OPCML: variants seen among roughly 807,000 people sequenced by gnomAD.
OPCML encodes opioid binding protein/cell adhesion molecule like.
A neutral mutation model predicts 37.8 loss-of-function variants in OPCML; 13 were observed. That is an observed-to-expected ratio of 0.34 (90% CI 0.22 to 0.55). The LOEUF (loss-of-function observed/expected upper bound fraction) is 0.55, where lower values mean the gene tolerates loss of function less well. OPCML is among the 20% of genes least tolerant of loss of function. The pLI is 0.91. For synonymous variants in OPCML, 176 were observed against 168.8 expected (o/e 1.04, Z -0.33); for missense variants, 341 against 435.6 (o/e 0.78, Z 1.93).
chr11:133,367,689 C>T (rs780247427), intron 1 of OPCML, among the ~76,000 whole-genome samples: 4 of 152,220 alleles, frequency 2.6e-5, no homozygotes, highest in African/African-American at 4.8e-5. Context: ...CCATCTGTTT[C>T]TACTTGAGGA....
At chr11:133,389,055 C>T (rs1013446381) in intron 1 of OPCML, among the ~76,000 whole-genome samples, 1 of 152,180 alleles carries the variant, frequency 6.6e-6, no homozygotes, top group South Asian at 2.1e-4. Flanking sequence ...AAGCTCTAAC[C>T]TCAGTACTTG....
rs1446709974 is a variant in OPCML at position 132,417,674 on chromosome 11, A to G, written c.*2519T>C. Reference sequence around the variant, plus strand: ...TTCTCCAAGACTGTCCACTCTTCACAGCCTTCACATTTATTCAACTCCAAA... The same window carrying G: ...TTCTCCAAGACTGTCCACTCTTCACGGCCTTCACATTTATTCAACTCCAAA... On this transcript the variant is annotated 3_prime_UTR_variant, in exon 8 of 8. Transcript: ENST00000524381. 6.6e-6 allele frequency: 1 copy of G among 152,246 alleles called. No homozygotes were observed. Among genetic ancestry groups the G allele is most frequent in the Non-Finnish European group, 1.5e-5 (1 of 68,064 alleles). 9.4% of individuals were successfully genotyped at this position (152,246 alleles called of 1,614,324 possible).
At chr11:132,506,998 A>C (rs1179547302) in intron 4 of OPCML, among the ~76,000 whole-genome samples, 1 of 152,056 alleles carries the variant, frequency 6.6e-6, no homozygotes, top group African/African-American at 2.4e-5. Flanking sequence ...GACTAATACA[A>C]ATCTTTTTTA....
At chr11:132,599,573 C>G (rs980209359) in intron 3 of OPCML, among the ~76,000 whole-genome samples, 3 of 152,126 alleles carry the variant, frequency 2.0e-5, no homozygotes, top group African/African-American at 4.8e-5. Context: ...TCTCACATTT[C>G]TCATTTTCTG....
intron 1 of OPCML, among the ~76,000 whole-genome samples, chr11:133,320,615 A>G (rs535607369): frequency 4.5e-4 from 68 of 152,344 alleles, no homozygotes; most frequent in Middle Eastern, 6.8e-3. Flanking sequence ...AATTTTTGCC[A>G]ATCCTGGAAA....
intron 2 of OPCML, among the ~76,000 whole-genome samples, chr11:132,884,050 G>T (rs543459438): frequency 1.3e-5 from 2 of 152,274 alleles, no homozygotes; most frequent in Admixed American, 6.5e-5. Flanking sequence ...GAGCTGGAAG[G>T]CATCTTAAAA....
At chr11:132,445,715 CA>C (rs1275556695) in intron 4 of OPCML, among the ~76,000 whole-genome samples, 1 of 152,174 alleles carries the variant, frequency 6.6e-6, no homozygotes, top group African/African-American at 2.4e-5. Context: ...AATGTACAGT[CA>C]GGGGTGAGAA....
chr11:133,376,833 T>C (rs1944814188), intron 1 of OPCML, among the ~76,000 whole-genome samples: 1 of 152,200 alleles, frequency 6.6e-6, no homozygotes, highest in South Asian at 2.1e-4. Flanking sequence ...TCTGTTCATA[T>C]TGAAAACTTT....
intron 1 of OPCML, among the ~76,000 whole-genome samples, chr11:133,229,575 C>T (rs1034198394): frequency 1.7e-4 from 26 of 151,976 alleles, no homozygotes; most frequent in Middle Eastern, 6.8e-3. Flanking sequence ...TTTCCCTCAC[C>T]GTTCTCAAAT....
chr11:132,832,448 C>A (rs562642893), intron 2 of OPCML, among the ~76,000 whole-genome samples: 2 of 152,232 alleles, frequency 1.3e-5, no homozygotes, highest in Admixed American at 6.5e-5. Context: ...CATTTACGGA[C>A]AATTATTCTG....
intron 1 of OPCML, among the ~76,000 whole-genome samples, chr11:133,155,588 G>A (rs1950048434): frequency 6.6e-6 from 1 of 151,924 alleles, no homozygotes; most frequent in South Asian, 2.1e-4. Flanking sequence ...CGCATACCCA[G>A]CCCACACCCT....
At chr11:133,140,924 ACG>A (rs1159879889) in intron 1 of OPCML, among the ~76,000 whole-genome samples, 465 of 16,026 alleles carry the variant, frequency 0.029, 135 homozygotes, top group East Asian at 0.2. Context: ...GAAGAAGACG[ACG>A]ACGACGAAGA....
chr11:133,217,253 G>T (rs1460896887), intron 1 of OPCML, among the ~76,000 whole-genome samples: 1 of 152,128 alleles, frequency 6.6e-6, no homozygotes, highest in Non-Finnish European at 1.5e-5. Context: ...TGATGCTCCA[G>T]TGCCCCCCAA....
Position 132,911,850 on chromosome 11 carries a change from A to G in OPCML, c.146+31076T>C, listed in dbSNP as rs1196945230. ...TATTTCTAGACTTGTCAGGCAGGTA[A>G]TTCCAAGAGTTGGAGCACTCTTTGC... On this transcript the variant is annotated intron_variant, in intron 2 of 7. Transcript: ENST00000524381. 3.3e-5 allele frequency among the ~76,000 whole-genome samples: 5 copies of G among 152,222 alleles called. No individual in the cohort carries two copies. In the East Asian group the frequency reaches 9.6e-4, roughly 29 times the overall value.
chr11:132,988,148 C>A (rs1277188835), intron 1 of OPCML, among the ~76,000 whole-genome samples: 1 of 152,124 alleles, frequency 6.6e-6, no homozygotes, highest in Non-Finnish European at 1.5e-5. Flanking sequence ...AGAAAAGGAA[C>A]AAGATCACCC....
At chr11:133,125,646 G>A (rs1254829068) in intron 1 of OPCML, among the ~76,000 whole-genome samples, 2 of 111,584 alleles carry the variant, frequency 1.8e-5, no homozygotes, top group Admixed American at 1.0e-4. Flanking sequence ...ATATATACAT[G>A]TGTCTATATA....
intron 2 of OPCML, among the ~76,000 whole-genome samples, chr11:132,696,995 A>AT (rs1202349637): frequency 6.6e-6 from 1 of 152,208 alleles, no homozygotes; most frequent in Non-Finnish European, 1.5e-5. Context: ...ACAAAAATAA[A>AT]TATATTTCCA....
At chr11:133,420,471 C>A (rs1009705401) in intron 1 of OPCML, 2 of 985,172 alleles carry the variant, frequency 2.0e-6, no homozygotes, top group Non-Finnish European at 2.4e-6. Flanking sequence ...TCGTATGCTT[C>A]TTCTTCTTTA....
intron 2 of OPCML, among the ~76,000 whole-genome samples, chr11:132,723,243 A>G (rs1944742491): frequency 6.6e-6 from 1 of 152,256 alleles, no homozygotes; most frequent in African/African-American, 2.4e-5. Context: ...CCAAAACCGT[A>G]TATTAATGCC....
Sources: allele counts gnomAD v4.1 joint callset (sites outside exome capture counted in the v4.1 genomes callset), GRCh38; gene constraint gnomAD v4.1.1; transcripts MANE v1.5; gene names NCBI Gene and HGNC (gene_info 2026-07-23, HGNC 2026-07-21).